MAST4: variants seen among roughly 807,000 people sequenced by gnomAD.
MAST4 encodes the protein microtubule-associated serine/threonine-protein kinase 4.
MAST4 carries 89 observed loss-of-function variants against 162.7 expected under a neutral mutation model. The ratio of observed to expected loss-of-function variants is 0.55; its 90% CI spans 0.46 to 0.65. MAST4 has a LOEUF of 0.65. MAST4 is among the 30% of genes least tolerant of loss of function. The probability of loss-of-function intolerance (pLI) is 0.00; values close to 1 mark genes in which losing one functional copy is unlikely to be tolerated. For missense variants in MAST4, 3,153 were observed against 3,374.0 expected, an observed-to-expected ratio of 0.93 and a Z score of 1.62; for synonymous variants, 1,479 against 1,361.1, an observed-to-expected ratio of 1.09 and a Z score of -1.91.
At chr5:66,929,762 T>C (rs939182198) in intron 4 of MAST4, among the ~76,000 whole-genome samples, 3 of 152,158 alleles carry the variant, frequency 2.0e-5, no homozygotes, top group Admixed American at 6.5e-5. Flanking sequence ...AATGAATTTG[T>C]GTTGGCCAGA....
intron 1 of MAST4, among the ~76,000 whole-genome samples, chr5:66,665,035 G>T (rs552256013): frequency 6.6e-6 from 1 of 152,298 alleles, no homozygotes; most frequent in East Asian, 1.9e-4. Context: ...TCTGAAAGAA[G>T]AGGAAAGGTG....
chr5:66,729,310 G>T (rs1241033082), intron 1 of MAST4, among the ~76,000 whole-genome samples: 1 of 152,116 alleles, frequency 6.6e-6, no homozygotes, highest in Admixed American at 6.5e-5. Context: ...CAGGTATTGG[G>T]GGTATATGTG....
chr5:66,872,787 T>C (rs1348050010), intron 3 of MAST4, among the ~76,000 whole-genome samples: 2 of 152,182 alleles, frequency 1.3e-5, no homozygotes, highest in Non-Finnish European at 2.9e-5. Flanking sequence ...TTTTCACTAA[T>C]GAGGCACTAA....
At chr5:67,139,747 G>C (rs1770133373) in intron 19 of MAST4, among the ~76,000 whole-genome samples, 1 of 152,184 alleles carries the variant, frequency 6.6e-6, no homozygotes, top group Middle Eastern at 3.4e-3. Context: ...TTTAGCTCAC[G>C]ATGCTATCAC....
chr5:66,872,668 T>C (rs1761025700), intron 3 of MAST4, among the ~76,000 whole-genome samples: 1 of 152,064 alleles, frequency 6.6e-6, no homozygotes, highest in South Asian at 2.1e-4. Flanking sequence ...AAGGAAAAAA[T>C]AGACTAGCTT....
At chr5:67,071,520 A>AG (rs950270067) in intron 5 of MAST4, among the ~76,000 whole-genome samples, 41 of 148,196 alleles carry the variant, frequency 2.8e-4, no homozygotes, top group African/African-American at 5.7e-4. Context: ...TGGAAGGCCA[A>AG]GGGGGGGGCG....
At chr5:67,093,409 A>G (rs569620790) in intron 6 of MAST4, among the ~76,000 whole-genome samples, 1 of 152,216 alleles carries the variant, frequency 6.6e-6, no homozygotes, top group African/African-American at 2.4e-5. Context: ...TCTTGAAAAA[A>G]GGGCATGTTC....
At chr5:66,915,220 C>A (rs1175733097) in intron 4 of MAST4, among the ~76,000 whole-genome samples, 1 of 144,584 alleles carries the variant, frequency 6.9e-6, no homozygotes, top group Admixed American at 7.3e-5. Flanking sequence ...GAGCTGAGAT[C>A]GTGCCACTGC....
In MAST4 at chr5:66,784,717, G is replaced by A. The variant is rs116538813; in HGVS notation, c.518-3953G>A. 1.2e-3 allele frequency among the ~76,000 whole-genome samples: 182 copies of A among 152,264 alleles called. 1 individual carries two copies. The highest frequency in any genetic ancestry group is 4.3e-3 in the African/African-American group (177 of 41,562). ...TTACCGTGTTTTATTCTGTTGCTGT[G>A]GTGGTGGTGGAGGATGCAGGTCTTA... On this transcript the variant is annotated intron_variant, in intron 2 of 28. Coordinates refer to ENST00000403625, the MANE Select transcript of MAST4 (RefSeq NM_001164664.2).
At chr5:66,845,292 C>T (rs184788727) in intron 3 of MAST4, among the ~76,000 whole-genome samples, 4,758 of 151,370 alleles carry the variant, frequency 0.031, 235 homozygotes, top group African/African-American at 0.11. Flanking sequence ...CAACAGGCCC[C>T]GGTGTGTGAT....
At chr5:66,980,298 C>G (rs941082047) in intron 4 of MAST4, among the ~76,000 whole-genome samples, 24 of 152,132 alleles carry the variant, frequency 1.6e-4, no homozygotes, top group Admixed American at 1.3e-3. Flanking sequence ...ATCACTTATA[C>G]CCACCTCCTT....
intron 2 of MAST4, 133 bp from the exon 3 acceptor site, chr5:66,788,537 G>A: frequency 1.7e-6 from 2 of 1,191,104 alleles, no homozygotes; most frequent in South Asian, 1.4e-5. Context: ...TGCTATTAAT[G>A]TTATTACTGG....
chr5:66,651,980 T>A (rs553595422), intron 1 of MAST4, among the ~76,000 whole-genome samples: 1 of 152,284 alleles, frequency 6.6e-6, no homozygotes, highest in African/African-American at 2.4e-5. Flanking sequence ...TCTATAATTT[T>A]GCCATGTTCT....
At chr5:66,743,919 C>T (rs1255654630) in intron 1 of MAST4, among the ~76,000 whole-genome samples, 3 of 152,048 alleles carry the variant, frequency 2.0e-5, no homozygotes, top group Non-Finnish European at 4.4e-5. Context: ...GACACAGCTT[C>T]GAGTGGAAGG....
At chr5:66,865,496 A>T (rs2149852683) in intron 3 of MAST4, among the ~76,000 whole-genome samples, 1 of 152,372 alleles carries the variant, frequency 6.6e-6, no homozygotes, top group East Asian at 1.9e-4. Context: ...AGATGTTATT[A>T]CATAGGCCAT....
At chr5:66,870,957 T>G (rs2149872499) in intron 3 of MAST4, 3 of 418,990 alleles carry the variant, frequency 7.2e-6, no homozygotes, top group South Asian at 1.7e-5. Flanking sequence ...TTCCAGGGCT[T>G]TAGAATATGG....
chr5:66,636,285 C>T (rs1158505469), intron 1 of MAST4, among the ~76,000 whole-genome samples: 1 of 152,036 alleles, frequency 6.6e-6, no homozygotes, highest in East Asian at 1.9e-4. Flanking sequence ...AGAAGATGCA[C>T]CCTTGACTTC....
chr5:66,633,270 G>A (rs1744902282), intron 1 of MAST4, among the ~76,000 whole-genome samples: 1 of 152,140 alleles, frequency 6.6e-6, no homozygotes, highest in Non-Finnish European at 1.5e-5. Context: ...TTCTACAAAG[G>A]TGAGAAGCCA....
Position 67,165,651 on chromosome 5 carries a change from G to A in MAST4, c.6472G>A (p.Ala2158Thr). ...GCAGCATTGCAGTTCCCCAAGCCAC[G>A]CTTCTGGCAGAGAGCCGGGGGCCAA... ...ARQHCSSPSH[A>T]SGREPGAKPS... is the part of the protein sequence containing the mutation. Residue 2158 changes from alanine to threonine, a missense_variant, in exon 29 of 29, where the codon GCT (alanine) becomes ACT (threonine). Coordinates refer to ENST00000403625, the MANE Select transcript of MAST4 (RefSeq NM_001164664.2). 1.6e-5 allele frequency: 25 copies of A among 1,606,396 alleles called. No individual in the cohort carries two copies. The highest frequency in any genetic ancestry group is 2.1e-5 in the Non-Finnish European group (25 of 1,176,698).
Sources: gnomAD v4.1 joint callset for allele counts (sites outside exome capture counted in the v4.1 genomes callset) on GRCh38, gnomAD v4.1.1 for gene constraint, MANE v1.5 for transcripts, NCBI Gene and HGNC (gene_info 2026-07-23, HGNC 2026-07-21) for gene names.